The following CDH12 variants were observed in gnomAD, a reference collection of about 807,000 sequenced individuals.
The protein encoded by CDH12 is cadherin-12.
In CDH12, 41 loss-of-function variants were observed where a neutral mutation model predicts 74.1. That is an observed-to-expected ratio of 0.55 (90% CI 0.43 to 0.72). The LOEUF is 0.72. Ranked by LOEUF, CDH12 falls within the 30% of genes least tolerant of loss-of-function variation. The pLI is 0.00. For missense variants in CDH12, 945 were observed against 977.2 expected, an observed-to-expected ratio of 0.97 and a Z score of 0.44; for synonymous variants, 399 against 355.0, an observed-to-expected ratio of 1.12 and a Z score of -1.39.
intron 9 of CDH12, among the ~76,000 whole-genome samples, chr5:21,814,948 G>A (rs979937924): frequency 6.6e-6 from 1 of 151,870 alleles, no homozygotes; most frequent in Non-Finnish European, 1.5e-5. Flanking sequence ...AACAATGAAG[G>A]AGTAAAGTTG....
chr5:22,142,360 G>A (rs1746856362), intron 4 of CDH12: 3 of 440,104 alleles, frequency 6.8e-6, no homozygotes, highest in Non-Finnish European at 1.3e-5. Flanking sequence ...TAGGGTAGTA[G>A]AACAATGGGA....
chr5:22,183,400 T>C (rs1477361747), intron 4 of CDH12, among the ~76,000 whole-genome samples: 1 of 152,172 alleles, frequency 6.6e-6, no homozygotes, highest in Non-Finnish European at 1.5e-5. Context: ...AATCAGAAGT[T>C]ATAGCACAGA....
intron 6 of CDH12, among the ~76,000 whole-genome samples, chr5:21,933,365 T>C (rs1003397236): frequency 2.0e-5 from 3 of 152,156 alleles, no homozygotes; most frequent in Non-Finnish European, 4.4e-5. Flanking sequence ...GGGCCTCAAA[T>C]ACAGTGTTCT....
chr5:21,939,363 G>A (rs62349064), intron 6 of CDH12, among the ~76,000 whole-genome samples: 4,301 of 151,492 alleles, frequency 0.028, 88 homozygotes, highest in South Asian at 0.043. Flanking sequence ...ATGCCAGTAA[G>A]GTAATATATA....
chr5:22,708,112 G>A (rs1743109955), intron 1 of CDH12, among the ~76,000 whole-genome samples: 1 of 152,054 alleles, frequency 6.6e-6, no homozygotes, highest in African/African-American at 2.4e-5. Context: ...TAGAAAACTT[G>A]CACTGAAATG....
intron 2 of CDH12, among the ~76,000 whole-genome samples, chr5:22,416,673 T>C (rs948630932): frequency 6.6e-6 from 1 of 152,088 alleles, no homozygotes; most frequent in Non-Finnish European, 1.5e-5. Context: ...AAAAATAAGA[T>C]TAGTATTACA....
At chr5:22,614,640 C>T (rs114600822) in intron 1 of CDH12, among the ~76,000 whole-genome samples, 189 of 152,188 alleles carry the variant, frequency 1.2e-3, no homozygotes, top group African/African-American at 4.4e-3. Flanking sequence ...ATAGATATAG[C>T]AAAGGACCAA....
chr5:22,535,059 C>A (rs1351483959), intron 1 of CDH12, among the ~76,000 whole-genome samples: 1 of 149,450 alleles, frequency 6.7e-6, no homozygotes. Context: ...GCAAGCTTCG[C>A]CTCCCGGGTT....
At chr5:22,370,343 G>C (rs1324772461) in intron 3 of CDH12, among the ~76,000 whole-genome samples, 1 of 152,072 alleles carries the variant, frequency 6.6e-6, no homozygotes, top group East Asian at 1.9e-4. Context: ...CAAGTTGCTT[G>C]GACTCTGATA....
chr5:21,820,068 A>T (rs1748280198), intron 8 of CDH12, among the ~76,000 whole-genome samples: 1 of 151,964 alleles, frequency 6.6e-6, no homozygotes, highest in South Asian at 2.1e-4. Flanking sequence ...GTTTAGCCAG[A>T]GTTGAGATCC....
intron 1 of CDH12, among the ~76,000 whole-genome samples, chr5:22,703,414 A>C (rs1251184828): frequency 6.6e-6 from 1 of 152,144 alleles, no homozygotes; most frequent in African/African-American, 2.4e-5. Context: ...ACATTTTCCC[A>C]TGATAACTTT....
At chr5:22,373,641 G>C (rs1741392375) in intron 3 of CDH12, among the ~76,000 whole-genome samples, 1 of 152,158 alleles carries the variant, frequency 6.6e-6, no homozygotes, top group African/African-American at 2.4e-5. Context: ...ACTCATAAAT[G>C]CTCCCTGAGC....
At chr5:22,165,677 T>A (rs550140926) in intron 4 of CDH12, among the ~76,000 whole-genome samples, 1 of 152,262 alleles carries the variant, frequency 6.6e-6, no homozygotes, top group East Asian at 1.9e-4. Context: ...CATCCCCAGA[T>A]AGGCATTCTA....
At chr5:22,402,913 G>A (rs888321695) in intron 3 of CDH12, among the ~76,000 whole-genome samples, 2 of 152,104 alleles carry the variant, frequency 1.3e-5, no homozygotes, top group African/African-American at 4.8e-5. Flanking sequence ...TGTTATATAA[G>A]CATAAACATT....
rs1226196825 is a variant in CDH12 at position 22,056,710 on chromosome 5, A to G, written c.231+21736T>C. ...CAAAAAATTATGGATTGAAGGTAGT[A>G]CAGCAACGTTAATGACACTTGGCTG... On this transcript the variant is annotated intron_variant, in intron 5 of 14. Coordinates refer to ENST00000382254, the MANE Select transcript of CDH12 (RefSeq NM_004061.5). Among the ~76,000 whole-genome samples the G allele has an allele frequency of 9.8e-5, 15 of 152,310 alleles. No individual in the cohort carries two copies. In the East Asian group the frequency reaches 2.9e-3, roughly 29 times the overall value.
At chr5:22,200,598 G>A (rs1469739355) in intron 4 of CDH12, among the ~76,000 whole-genome samples, 1 of 152,162 alleles carries the variant, frequency 6.6e-6, no homozygotes, top group Non-Finnish European at 1.5e-5. Flanking sequence ...ACAGATTTCA[G>A]TGGTTACTAC....
chr5:22,199,840 A>C (rs563511773), intron 4 of CDH12, among the ~76,000 whole-genome samples: 1 of 152,312 alleles, frequency 6.6e-6, no homozygotes, highest in African/African-American at 2.4e-5. Flanking sequence ...GGGCACTGAC[A>C]AAAAACATTT....
At chr5:22,325,539 G>A (rs1459008397) in intron 3 of CDH12, among the ~76,000 whole-genome samples, 1 of 150,982 alleles carries the variant, frequency 6.6e-6, no homozygotes, top group Non-Finnish European at 1.5e-5. Flanking sequence ...AGTTTAGAAA[G>A]TAGAACTTCA....
At chr5:22,359,202 A>G (rs550302503) in intron 3 of CDH12, among the ~76,000 whole-genome samples, 1 of 152,334 alleles carries the variant, frequency 6.6e-6, no homozygotes, top group South Asian at 2.1e-4. Flanking sequence ...GTGCAGAGAC[A>G]CACATAGGCT....
Sources: gnomAD v4.1 joint callset for allele counts (sites outside exome capture counted in the v4.1 genomes callset) on GRCh38, gnomAD v4.1.1 for gene constraint, MANE v1.5 for transcripts, NCBI Gene and HGNC (gene_info 2026-07-23, HGNC 2026-07-21) for gene names.